Variants in MACROD2 observed in about 807,000 individuals in gnomAD.
MACROD2 encodes the protein mono-ADP ribosylhydrolase 2, also known as ADP-ribose glycohydrolase MACROD2.
In MACROD2, 36 loss-of-function variants were observed where a neutral mutation model predicts 70.4. The ratio of observed to expected loss-of-function variants is 0.51; its 90% CI spans 0.39 to 0.68. The LOEUF (loss-of-function observed/expected upper bound fraction) is 0.68, where lower values mean the gene tolerates loss of function less well. Ranked by LOEUF, MACROD2 falls within the 30% of genes least tolerant of loss-of-function variation. The pLI, the probability that MACROD2 is intolerant of heterozygous loss-of-function variation, is 0.00. For missense variants in MACROD2, 496 were observed against 538.4 expected (o/e 0.92, Z 0.78); for synonymous variants, 172 against 178.8 (o/e 0.96, Z 0.30).
chr20:15,526,922 T>A (rs547220490), intron 8 of MACROD2, among the ~76,000 whole-genome samples: 1 of 152,358 alleles, frequency 6.6e-6, no homozygotes, highest in East Asian at 1.9e-4. Context: ...ACAATTCATT[T>A]ATGTTTTGTT....
intron 12 of MACROD2, among the ~76,000 whole-genome samples, chr20:15,938,899 T>C (rs1023643871): frequency 1.3e-5 from 2 of 152,200 alleles, no homozygotes; most frequent in Admixed American, 1.3e-4. Flanking sequence ...GCCTTATTGC[T>C]GATAAGGAGA....
At chr20:14,876,384 T>C (rs1420745516) in intron 5 of MACROD2, among the ~76,000 whole-genome samples, 4 of 152,186 alleles carry the variant, frequency 2.6e-5, no homozygotes, top group Non-Finnish European at 5.9e-5. Context: ...GTTTAATGCA[T>C]ACTTTGTGAA....
At chr20:15,348,453 A>G (rs1452448136) in intron 6 of MACROD2, among the ~76,000 whole-genome samples, 1 of 152,190 alleles carries the variant, frequency 6.6e-6, no homozygotes, top group Non-Finnish European at 1.5e-5. Context: ...TGAAATTTTC[A>G]TGTTGATTAA....
At chr20:14,159,735 C>G (rs780933674) in intron 3 of MACROD2, among the ~76,000 whole-genome samples, 1 of 152,104 alleles carries the variant, frequency 6.6e-6, no homozygotes, top group Non-Finnish European at 1.5e-5. Context: ...TGCCTGATTG[C>G]TCTGGCTAGG....
rs2071675141 is a variant in MACROD2 at position 14,737,091 on chromosome 20, C to A, written c.418+52132C>A. Among the ~76,000 whole-genome samples the A allele has an allele frequency of 2.0e-5, 3 of 152,024 alleles. No individual in the cohort carries two copies. The South Asian group carries it at 6.2e-4, about 32-fold the overall frequency. On this transcript the variant is annotated intron_variant, in intron 5 of 17. Coordinates refer to ENST00000684519, the MANE Select transcript of MACROD2 (RefSeq NM_001351661.2). ...CCTACATTAGGTATTTCTCCTAATG[C>A]TATCCTTCCCCTAGCCCCCACCACC... is the stretch of plus-strand genomic sequence containing the variant.
intron 5 of MACROD2, among the ~76,000 whole-genome samples, chr20:14,691,280 A>G (rs1434573267): frequency 6.6e-6 from 1 of 152,228 alleles, no homozygotes; most frequent in Non-Finnish European, 1.5e-5. Context: ...GAATTTTATT[A>G]AATGAATTAC....
intron 3 of MACROD2, among the ~76,000 whole-genome samples, chr20:14,311,900 G>T (rs1293331397): frequency 6.6e-6 from 1 of 151,998 alleles, no homozygotes; most frequent in East Asian, 1.9e-4. Flanking sequence ...TTAAGAGTAG[G>T]TTTCTTTTCC....
chr20:15,370,913 G>A (rs962899965), intron 6 of MACROD2, among the ~76,000 whole-genome samples: 2 of 151,864 alleles, frequency 1.3e-5, no homozygotes, highest in East Asian at 3.9e-4. Flanking sequence ...AGCTTCCTGG[G>A]GGCAAAAGAA....
At chr20:15,975,255 T>C (rs2066289091) in intron 13 of MACROD2, among the ~76,000 whole-genome samples, 2 of 152,036 alleles carry the variant, frequency 1.3e-5, no homozygotes, top group African/African-American at 2.4e-5. Context: ...TTAGTGGAAA[T>C]AGGGTTTCCA....
chr20:15,932,794 C>T (rs955811674), intron 10 of MACROD2, among the ~76,000 whole-genome samples: 1 of 152,086 alleles, frequency 6.6e-6, no homozygotes, highest in African/African-American at 2.4e-5. Flanking sequence ...ATAATCTGTT[C>T]AAGACAAAAT....
At chr20:14,288,611 CA>C (rs2082362502) in intron 3 of MACROD2, among the ~76,000 whole-genome samples, 1 of 152,148 alleles carries the variant, frequency 6.6e-6, no homozygotes, top group Admixed American at 6.5e-5. Context: ...TTCTTAACAC[CA>C]TGGGAGGTGA....
At chr20:14,449,321 G>A (rs2084219311) in intron 3 of MACROD2, among the ~76,000 whole-genome samples, 1 of 152,088 alleles carries the variant, frequency 6.6e-6, no homozygotes. Context: ...ATGTCACATA[G>A]TGGATCAATC....
intron 3 of MACROD2, among the ~76,000 whole-genome samples, chr20:14,105,354 G>A (rs953019096): frequency 6.6e-6 from 1 of 152,238 alleles, no homozygotes; most frequent in African/African-American, 2.4e-5. Context: ...GGAGAGCACA[G>A]TGCCTGGGTG....
chr20:15,103,949 T>A (rs776640881), intron 5 of MACROD2, among the ~76,000 whole-genome samples: 3 of 151,942 alleles, frequency 2.0e-5, no homozygotes, highest in Non-Finnish European at 4.4e-5. Flanking sequence ...AAATAGAGAA[T>A]GGGTTACAAT....
chr20:15,467,536 C>T (rs1054222762), intron 7 of MACROD2, among the ~76,000 whole-genome samples: 6 of 151,948 alleles, frequency 3.9e-5, no homozygotes, highest in Non-Finnish European at 8.8e-5. Context: ...TTATTTTTTT[C>T]TCTCTCTCTC....
At chr20:14,107,478 G>A (rs1362466435) in intron 3 of MACROD2, among the ~76,000 whole-genome samples, 1 of 152,024 alleles carries the variant, frequency 6.6e-6, no homozygotes, top group Admixed American at 6.6e-5. Flanking sequence ...GGGGTAGAAA[G>A]TGTATTCAAA....
intron 3 of MACROD2, among the ~76,000 whole-genome samples, chr20:14,402,378 G>T (rs745422075): frequency 6.6e-6 from 1 of 152,104 alleles, no homozygotes; most frequent in Non-Finnish European, 1.5e-5. Context: ...CTTAATTCTT[G>T]CCTTTTCATG....
intron 5 of MACROD2, among the ~76,000 whole-genome samples, chr20:14,759,767 G>T (rs2071990019): frequency 6.6e-6 from 1 of 152,126 alleles, no homozygotes; most frequent in Admixed American, 6.5e-5. Context: ...ATGCTGGAGA[G>T]AAATTCTGGG....
intron 7 of MACROD2, among the ~76,000 whole-genome samples, chr20:15,472,272 C>G (rs1369429844): frequency 6.6e-6 from 1 of 152,066 alleles, no homozygotes; most frequent in Non-Finnish European, 1.5e-5. Context: ...GTTCTTTTTT[C>G]ACCTATTGGC....
Sources: allele counts gnomAD v4.1 joint callset (sites outside exome capture counted in the v4.1 genomes callset), GRCh38; gene constraint gnomAD v4.1.1; transcripts MANE v1.5; gene names NCBI Gene and HGNC (gene_info 2026-07-23, HGNC 2026-07-21).